The following XKR4 variants were observed in gnomAD, a reference collection of about 807,000 sequenced individuals.
XKR4 encodes the protein XK related 4.
A neutral mutation model predicts 53.9 loss-of-function variants in XKR4; 12 were observed. The ratio of observed to expected loss-of-function variants is 0.22; its 90% confidence interval spans 0.14 to 0.36. The LOEUF is 0.36. XKR4 is among the 10% of genes least tolerant of loss of function. The pLI is 1.00. For synonymous variants in XKR4, 354 were observed against 362.4 expected, an observed-to-expected ratio of 0.98 and a Z score of 0.26; for missense variants, 799 against 859.5, an observed-to-expected ratio of 0.93 and a Z score of 0.88.
intron 2 of XKR4, among the ~76,000 whole-genome samples, chr8:55,382,618 A>C (rs1804252160): frequency 6.6e-6 from 1 of 152,212 alleles, no homozygotes; most frequent in Admixed American, 6.5e-5. Context: ...TTCTATTGAT[A>C]ACTGATAAGC....
At chr8:55,352,904 C>T (rs939448080) in intron 1 of XKR4, among the ~76,000 whole-genome samples, 6 of 152,134 alleles carry the variant, frequency 3.9e-5, no homozygotes, top group African/African-American at 1.4e-4. Context: ...CCGAAAATGC[C>T]CCCTAGATTT....
intron 2 of XKR4, among the ~76,000 whole-genome samples, chr8:55,448,802 T>C (rs1385954700): frequency 6.6e-6 from 1 of 152,226 alleles, no homozygotes; most frequent in Non-Finnish European, 1.5e-5. Flanking sequence ...TTGTGCATTA[T>C]GTCTATTCCT....
chr8:55,416,819 C>T (rs1354026859), intron 2 of XKR4, among the ~76,000 whole-genome samples: 2 of 152,162 alleles, frequency 1.3e-5, no homozygotes, highest in Admixed American at 1.3e-4. Context: ...GCCGTATGCC[C>T]AAGTCTACAG....
At chr8:55,198,403 C>T (rs771370680) in intron 1 of XKR4, among the ~76,000 whole-genome samples, 2 of 151,956 alleles carry the variant, frequency 1.3e-5, no homozygotes, top group Non-Finnish European at 2.9e-5. Context: ...AAAAGAGCAA[C>T]TTTAAACTGA....
At chr8:55,447,894 C>T (rs1244214299) in intron 2 of XKR4, among the ~76,000 whole-genome samples, 1 of 152,112 alleles carries the variant, frequency 6.6e-6, no homozygotes, top group African/African-American at 2.4e-5. Context: ...TTAAACCATT[C>T]GTTTTAAAGG....
At chr8:55,450,484 G>A (rs548693249) in intron 2 of XKR4, 19 of 617,604 alleles carry the variant, frequency 3.1e-5, no homozygotes, top group Non-Finnish European at 4.9e-5. Flanking sequence ...CCTTCTCCTC[G>A]TACAGCAGCC....
rs1807094990 is a variant in XKR4 at position 55,541,135 on chromosome 8, T to C, written c.*16908T>C. The C allele has an allele frequency of 6.6e-6, 1 of 152,250 alleles. No individual in the cohort carries two copies. Among genetic ancestry groups the C allele is most frequent in the African/African-American group, 2.4e-5 (1 of 41,462 alleles). The allele number at this position is 152,250 out of a possible 1,614,324, so 9.4% of individuals were successfully genotyped here. The stretch of plus-strand genomic sequence containing the variant: ...CTACCTCAGCTACTGTTGTTTTATT[T>C]AGAAACATGAAACCATGCACTTTGT... On this transcript the variant is annotated 3_prime_UTR_variant, in exon 3 of 3. Coordinates refer to ENST00000327381, the MANE Select transcript of XKR4 (RefSeq NM_052898.2).
chr8:55,516,580 T>A (rs796067346), intron 2 of XKR4, among the ~76,000 whole-genome samples: 90 of 152,268 alleles, frequency 5.9e-4, no homozygotes, highest in African/African-American at 2.1e-3. Context: ...GAAAAGCTAC[T>A]GTATGGCAAA....
intron 1 of XKR4, among the ~76,000 whole-genome samples, chr8:55,126,393 C>T (rs1304840613): frequency 2.0e-5 from 3 of 152,228 alleles, no homozygotes; most frequent in African/African-American, 7.2e-5. Context: ...CATTGTTGTT[C>T]ATCATTGTCC....
At chr8:55,239,005 CAT>C (rs1173513291) in intron 1 of XKR4, among the ~76,000 whole-genome samples, 1 of 152,178 alleles carries the variant, frequency 6.6e-6, no homozygotes, top group Non-Finnish European at 1.5e-5. Context: ...TTTATTCACA[CAT>C]GAGTGAATAA....
At chr8:55,132,992 C>A (rs1438095252) in intron 1 of XKR4, among the ~76,000 whole-genome samples, 3 of 152,172 alleles carry the variant, frequency 2.0e-5, no homozygotes, top group African/African-American at 7.2e-5. Flanking sequence ...CAGTGGGTGA[C>A]AAGTGACTAT....
At chr8:55,226,770 C>T (rs1240715519) in intron 1 of XKR4, among the ~76,000 whole-genome samples, 4 of 152,164 alleles carry the variant, frequency 2.6e-5, no homozygotes, top group African/African-American at 9.7e-5. Context: ...TACCCTCCCA[C>T]CTTCCTTTAA....
chr8:55,102,701 TGGCGGCTCCGCGGGCTCG>T lies in XKR4; in HGVS notation c.224_241del (p.Ala75_Ser80del), dbSNP rs1261764526. ...GCTGCTGCTGCTGCTGCGCCGGGAGTGGCGGCTCCGCGGGCTCGGGCGGCTCCGGCGGCGTCGCCGGCC... is the reference window on the plus strand; with the variant it reads ...GCTGCTGCTGCTGCTGCGCCGGGAGTGGCGGCTCCGGCGGCGTCGCCGGCC... On this transcript the variant is annotated inframe_deletion, in exon 1 of 3. Transcript: ENST00000327381. This position sits in a 1 kb window ranked among gnomAD's most constrained non-coding sequence, Gnocchi z 5.1. 9.5e-6 allele frequency: 11 copies of T among 1,159,536 alleles called. No homozygotes were observed. Among genetic ancestry groups the T allele is most frequent in the East Asian group, 4.0e-5 (1 of 25,062 alleles). The allele number at this position is 1,159,536 out of a possible 1,614,324, so 71.8% of individuals were successfully genotyped here. A position where few individuals can be genotyped will look rare whatever the true frequency, so the allele number is the denominator to read the frequency against.
At chr8:55,158,606 A>G (rs1235512670) in intron 1 of XKR4, among the ~76,000 whole-genome samples, 6 of 152,052 alleles carry the variant, frequency 3.9e-5, no homozygotes, top group Admixed American at 1.3e-4. Flanking sequence ...TTTCTAGGTT[A>G]TTTTATAGGG....
rs539506463 is a variant in XKR4, at chr8:55,223,493, T to C, written c.806+120199T>C. ...CATTTGACACTTTAAGAAAGTGATA[T>C]AAAATAGGATTGTATCAAAATTTGT... On this transcript the variant is annotated intron_variant, in intron 1 of 2. Coordinates refer to ENST00000327381, the MANE Select transcript of XKR4 (RefSeq NM_052898.2). Among the ~76,000 whole-genome samples, 15 of 152,362 alleles carry C rather than the reference T, an allele frequency of 9.8e-5. No homozygotes were observed. In the East Asian group the frequency reaches 2.9e-3, roughly 29 times the overall value.
At chr8:55,396,974 C>T (rs1804528285) in intron 2 of XKR4, among the ~76,000 whole-genome samples, 1 of 152,130 alleles carries the variant, frequency 6.6e-6, no homozygotes, top group Admixed American at 6.5e-5. Context: ...ATTTGCAGGG[C>T]AGTAGTTTGC....
intron 1 of XKR4, among the ~76,000 whole-genome samples, chr8:55,250,972 C>T (rs1228242706): frequency 6.6e-6 from 1 of 152,182 alleles, no homozygotes; most frequent in Non-Finnish European, 1.5e-5. Context: ...TCACAGAATA[C>T]ACACAATTTA....
intron 2 of XKR4, among the ~76,000 whole-genome samples, chr8:55,429,637 A>G (rs949678279): frequency 3.3e-5 from 5 of 152,100 alleles, no homozygotes; most frequent in Non-Finnish European, 7.4e-5. Flanking sequence ...GCACTGAGGT[A>G]GAAGGATCAC....
At chr8:55,379,645 A>G (rs1320411807) in intron 2 of XKR4, among the ~76,000 whole-genome samples, 1 of 152,226 alleles carries the variant, frequency 6.6e-6, no homozygotes, top group African/African-American at 2.4e-5. Flanking sequence ...TGTATGTCCA[A>G]GGAGAGCAGA....
Sources: allele counts gnomAD v4.1 joint callset (sites outside exome capture counted in the v4.1 genomes callset), GRCh38; gene constraint gnomAD v4.1.1; non-coding constraint Gnocchi (gnomAD v3.1); transcripts MANE v1.5; gene names NCBI Gene and HGNC (gene_info 2026-07-23, HGNC 2026-07-21).